PLEKHB2: variants seen among roughly 807,000 people sequenced by gnomAD.
The protein encoded by PLEKHB2 is pleckstrin homology domain containing B2.
Under a neutral mutation model 36.5 loss-of-function variants are expected in PLEKHB2, and 31 were observed. The observed-to-expected ratio is 0.85, with a 90% CI of 0.64 to 1.15. The LOEUF (loss-of-function observed/expected upper bound fraction) is 1.15. Among genes scored for constraint, PLEKHB2 ranks in the 50% most tolerant of loss-of-function variants. PLEKHB2 has a pLI of 0.00. For synonymous variants in PLEKHB2, 119 were observed against 112.0 expected, an observed-to-expected ratio of 1.06 and a Z score of -0.39; for missense variants, 262 against 295.3, an observed-to-expected ratio of 0.89 and a Z score of 0.83.
intron 6 of PLEKHB2, among the ~76,000 whole-genome samples, chr2:131,137,711 C>T (rs1698407013): frequency 1.3e-5 from 2 of 152,138 alleles, no homozygotes; most frequent in Non-Finnish European, 2.9e-5. Flanking sequence ...AATAGCTTTT[C>T]GTTTTATTCA....
intron 7 of PLEKHB2, among the ~76,000 whole-genome samples, chr2:131,141,639 C>CAAAAAAAAAAAAAAAAAA (rs771541896): frequency 1.8e-5 from 1 of 57,130 alleles, no homozygotes; most frequent in African/African-American, 4.9e-5. Context: ...GACTCCGTCT[C>CAAAAAAAAAAAAAAAAAA]AAAAAAAAAA....
intron 5 of PLEKHB2, among the ~76,000 whole-genome samples, chr2:131,130,962 A>T (rs1445165542): frequency 2.0e-5 from 3 of 151,902 alleles, no homozygotes; most frequent in East Asian, 1.9e-4. Context: ...ATTTGAAAAA[A>T]TTTTTTTGTA....
intron 2 of PLEKHB2, among the ~76,000 whole-genome samples, chr2:131,124,350 G>C (rs1696877889): frequency 6.6e-6 from 1 of 152,172 alleles, no homozygotes; most frequent in South Asian, 2.1e-4. Flanking sequence ...GATTGTGTGT[G>C]TTGGCCAAGA....
chr2:131,109,795 T>G (rs1049873583), intron 1 of PLEKHB2, among the ~76,000 whole-genome samples: 1 of 152,194 alleles, frequency 6.6e-6, no homozygotes, highest in East Asian at 1.9e-4. Context: ...TAGACAACTA[T>G]TTTCACCTTT....
chr2:131,108,437 T>G (rs1232557845), intron 1 of PLEKHB2, among the ~76,000 whole-genome samples: 1 of 152,140 alleles, frequency 6.6e-6, no homozygotes, highest in Non-Finnish European at 1.5e-5. Context: ...AATGTTGAAT[T>G]AAGTTATGGA....
chr2:131,140,288 G>T lies in PLEKHB2; in HGVS notation c.532+13G>T, dbSNP rs758299840. The T allele has an allele frequency of 1.4e-6, 2 of 1,390,414 alleles. No individual in the cohort carries two copies. Among genetic ancestry groups the T allele is most frequent in the Admixed American group, 1.7e-5 (1 of 57,450 alleles). The allele number at this position is 1,390,414 out of a possible 1,614,324, so 86.1% of individuals were successfully genotyped here. ...TACCCATATGCAGGTAACTCACGCCGGCCTTTCATTCCTCATTTCTCTCCA... is the reference window on the plus strand; with the variant it reads ...TACCCATATGCAGGTAACTCACGCCTGCCTTTCATTCCTCATTTCTCTCCA... On this transcript the variant is annotated intron_variant, in intron 7 of 7. Transcript: ENST00000693505.
rs746848673 is a variant in PLEKHB2 at position 131,110,870 on chromosome 2, CTT to C, written c.-9+5475_-9+5476del. On this transcript the variant is annotated intron_variant, in intron 1 of 7. Coordinates refer to ENST00000693505, the MANE Select transcript of PLEKHB2 (RefSeq NM_001100623.2). ...TTCAGTCATCCTACCTATGGAGAAT[CTT>C]TTAAAATTCATCATGCTGGACAGTC... Among the ~76,000 whole-genome samples the C allele has an allele frequency of 1.8e-4, 27 of 152,244 alleles. 1 individual carries two copies. The South Asian group carries it at 3.9e-3, about 22-fold the overall frequency.
At chr2:131,131,657 T>C (rs909911133) in intron 5 of PLEKHB2, among the ~76,000 whole-genome samples, 2 of 152,114 alleles carry the variant, frequency 1.3e-5, no homozygotes, top group African/African-American at 2.4e-5. Flanking sequence ...AAAGGCTTAA[T>C]ATCCTAATAG....
At chr2:131,115,293 G>A (rs1256196794) in intron 1 of PLEKHB2, among the ~76,000 whole-genome samples, 1 of 149,576 alleles carries the variant, frequency 6.7e-6, no homozygotes, top group African/African-American at 2.5e-5. Context: ...TACAATTCAA[G>A]GTGAGATTTG....
At position 131,120,517 on chromosome 2, in the gene PLEKHB2, G is replaced by A. The variant is rs973539835; in HGVS notation, c.-8-417G>A. The stretch of plus-strand genomic sequence containing the variant: ...TTTTGCCCTGACCTGGCCACTCCAC[G>A]TCACTCACTGCTGACACCAGTGCAG... On this transcript the variant is annotated intron_variant, in intron 1 of 7. Coordinates refer to ENST00000693505, the MANE Select transcript of PLEKHB2 (RefSeq NM_001100623.2). 7 of 196,778 alleles carry A rather than the reference G, an allele frequency of 3.6e-5. 1 individual carries two copies. The highest frequency in any genetic ancestry group is 3.4e-4 in the Admixed American group (6 of 17,608). 12.2% of individuals were successfully genotyped at this position (196,778 alleles called of 1,614,324 possible).
intron 1 of PLEKHB2, among the ~76,000 whole-genome samples, chr2:131,108,822 C>T (rs144168563): frequency 6.6e-6 from 1 of 152,298 alleles, no homozygotes; most frequent in Non-Finnish European, 1.5e-5. Flanking sequence ...GTCAAAGCAG[C>T]TACCATTTAT....
In PLEKHB2 at chr2:131,130,777, A is replaced by G. The variant is rs201243447; in HGVS notation, c.333+17A>G. ...ACAAACACAGTAAGTTGCTAATGGC[A>G]ATCACCAATAATTTTTTTTTTTTTT... On this transcript the variant is annotated intron_variant, in intron 5 of 7. Transcript: ENST00000693505. 3.1e-6 allele frequency: 5 copies of G among 1,598,524 alleles called. No homozygotes were observed. The South Asian group carries it at 4.4e-5, about 14-fold the overall frequency.
intron 1 of PLEKHB2, among the ~76,000 whole-genome samples, chr2:131,107,290 G>C (rs923438013): frequency 1.3e-5 from 2 of 152,224 alleles, no homozygotes; most frequent in African/African-American, 4.8e-5. Flanking sequence ...CATGGAAACG[G>C]AAAGTTGGAC....
intron 1 of PLEKHB2, among the ~76,000 whole-genome samples, chr2:131,115,656 G>A (rs1444705827): frequency 6.6e-6 from 1 of 151,816 alleles, no homozygotes; most frequent in Non-Finnish European, 1.5e-5. Context: ...CCCTCCAGAA[G>A]GTATGTCTTT....
Position 131,149,235 on chromosome 2 carries a change from A to G in PLEKHB2, c.*2462A>G, listed in dbSNP as rs1185503916. ...TTGGCCACAACTCCCATAGATGCCA[A>G]TGTTTTGATAGCCTCAGTTTCTCAA... is the stretch of plus-strand genomic sequence containing the variant. On this transcript the variant is annotated 3_prime_UTR_variant, in exon 8 of 8. Coordinates refer to ENST00000693505, the MANE Select transcript of PLEKHB2 (RefSeq NM_001100623.2). The G allele has an allele frequency of 2.6e-5, 4 of 152,220 alleles. No homozygotes were observed. The highest frequency in any genetic ancestry group is 2.1e-4 in the South Asian group (1 of 4,834). 9.4% of individuals were successfully genotyped at this position (152,220 alleles called of 1,614,324 possible). A position where few individuals can be genotyped will look rare whatever the true frequency, so the allele number is the denominator to read the frequency against.
At position 131,132,956 on chromosome 2, in the gene PLEKHB2, C is replaced by A. The variant is rs776552633; in HGVS notation, c.388C>A (p.Pro130Thr). 2 of 1,613,940 alleles carry A rather than the reference C, an allele frequency of 1.2e-6. No individual in the cohort carries two copies. Among genetic ancestry groups the A allele is most frequent in the South Asian group, 2.2e-5 (2 of 91,078 alleles). ...TGAGACATCCGTGGTTTCCTCACCT[C>A]CACCATACACGGCCTATGCTGCACC... ...TDETSVVSSP[P>T]PYTAYAAPAP... The change falls in exon 6 of 8, where the codon CCA becomes ACA. Residue 130 changes from proline (P) to threonine (T), a missense_variant. Coordinates refer to ENST00000693505, the MANE Select transcript of PLEKHB2 (RefSeq NM_001100623.2).
intron 1 of PLEKHB2, among the ~76,000 whole-genome samples, chr2:131,116,134 T>G (rs182287153): frequency 2.0e-5 from 3 of 152,340 alleles, no homozygotes; most frequent in Admixed American, 1.3e-4. Context: ...GATTTCCCCT[T>G]TCTCTAATAG....
intron 7 of PLEKHB2, 50 bp downstream of exon 7, chr2:131,140,325 G>T (rs1351408025): frequency 1.1e-6 from 1 of 922,236 alleles, no homozygotes; most frequent in South Asian, 1.4e-5. Context: ...TTGCTGAGTA[G>T]ACCAGAGAGA....
At chr2:131,134,168 G>A (rs940784540) in intron 6 of PLEKHB2, among the ~76,000 whole-genome samples, 1 of 151,866 alleles carries the variant, frequency 6.6e-6, no homozygotes, top group African/African-American at 2.4e-5. Flanking sequence ...CAAAGTGCTG[G>A]GATTACAGGT....
Sources: allele counts gnomAD v4.1 joint callset (sites outside exome capture counted in the v4.1 genomes callset), GRCh38; gene constraint gnomAD v4.1.1; transcripts MANE v1.5; gene names NCBI Gene and HGNC (gene_info 2026-07-23, HGNC 2026-07-21).